SIAE: variants seen among roughly 807,000 people sequenced by gnomAD.
SIAE encodes sialic acid acetylesterase.
Under a neutral mutation model 52.6 loss-of-function variants are expected in SIAE, and 39 were observed. The observed-to-expected ratio is 0.74, with a 90% CI of 0.57 to 0.97. SIAE has a LOEUF of 0.97. Among genes scored for constraint, SIAE ranks in the 50% least tolerant of loss-of-function variants. The pLI, the probability that SIAE is intolerant of heterozygous loss-of-function variation, is 0.00. For synonymous variants in SIAE, 233 were observed against 241.4 expected (o/e 0.97, Z 0.32); for missense variants, 592 against 662.1 (o/e 0.89, Z 1.16).
intron 2 of SIAE, among the ~76,000 whole-genome samples, chr11:124,662,079 G>A (rs1373626106): frequency 2.0e-5 from 3 of 152,208 alleles, no homozygotes; most frequent in Admixed American, 6.5e-5. Context: ...GTGCATGCTT[G>A]CTCCTCTTAA....
At chr11:124,642,737 A>C (rs1317261951) in intron 7 of SIAE, among the ~76,000 whole-genome samples, 1 of 152,228 alleles carries the variant, frequency 6.6e-6, no homozygotes, top group East Asian at 1.9e-4. Context: ...TATATGGCAA[A>C]AGTGAAGGGA....
chr11:124,662,140 T>C (rs1943194610), intron 2 of SIAE, among the ~76,000 whole-genome samples: 1 of 152,218 alleles, frequency 6.6e-6, no homozygotes, highest in African/African-American at 2.4e-5. Context: ...GTTAATTAAA[T>C]CTAAGACCAA....
intron 3 of SIAE, among the ~76,000 whole-genome samples, chr11:124,656,369 A>G (rs1242346367): frequency 6.6e-6 from 1 of 152,218 alleles, no homozygotes; most frequent in Non-Finnish European, 1.5e-5. Context: ...GTAAATCACC[A>G]AAGAAAAGCA....
Position 124,660,781 on chromosome 11 carries a change from C to T in SIAE, c.252G>A (p.Val84=). 1 of 1,614,166 alleles carries T rather than the reference C, an allele frequency of 6.2e-7. No homozygotes were observed. Among genetic ancestry groups the T allele is most frequent in the African/African-American group, 1.3e-5 (1 of 75,044 alleles). The part of the protein sequence containing the change: ...SVKAHSDTWM[V]VLDPMKPGGP... ...CTCCAGGCTTCATAGGATCCAGTACCACCATCCACGTATCAGAGTGAGCTG... is the reference window on the plus strand; with the variant it reads ...CTCCAGGCTTCATAGGATCCAGTACTACCATCCACGTATCAGAGTGAGCTG... The change falls in exon 3 of 10, where the codon GTG becomes GTA. Residue 84 remains valine, a synonymous_variant. Transcript: ENST00000263593.
chr11:124,649,419 CT>C (rs993234644), intron 5 of SIAE, among the ~76,000 whole-genome samples, 199 bp downstream of exon 5: 5 of 151,140 alleles, frequency 3.3e-5, no homozygotes, highest in Admixed American at 6.6e-5. Context: ...GGAAAAGATA[CT>C]TTTTTTTTAC....
intron 7 of SIAE, among the ~76,000 whole-genome samples, chr11:124,642,780 A>G (rs1181866028): frequency 3.3e-5 from 5 of 152,234 alleles, no homozygotes; most frequent in African/African-American, 1.2e-4. Flanking sequence ...GTCCCCAGTC[A>G]GCTGACTTCA....
chr11:124,641,913 T>C lies in SIAE; in HGVS notation c.967-2046A>G, dbSNP rs13328883. 6.2e-3 allele frequency among the ~76,000 whole-genome samples: 925 copies of C among 148,918 alleles called. 10 individuals are homozygous for C. Among genetic ancestry groups the C allele is most frequent in the African/African-American group, 0.022 (873 of 40,320 alleles). On this transcript the variant is annotated intron_variant, in intron 7 of 9. Transcript: ENST00000263593. ...AGGCGGAGGTTGCAGTGAGCCAAGA[T>C]TGTGCCACTGCACTCCAGCCTGGGC...
At chr11:124,640,001 C>T in intron 7 of SIAE, 134 bp from the exon 8 acceptor site, 1 of 1,084,884 alleles carries the variant, frequency 9.2e-7, no homozygotes, top group Non-Finnish European at 1.4e-6. Context: ...GAGCTTCTTA[C>T]TGTTGTGGCA....
rs1361796943 is a variant in SIAE, at chr11:124,639,989, C to G, written c.967-122G>C. The G allele has an allele frequency of 2.6e-6, 3 of 1,156,374 alleles. No homozygotes were observed. The African/African-American group carries it at 4.6e-5, about 18-fold the overall frequency. The allele number at this position is 1,156,374 out of a possible 1,614,324, so 71.6% of individuals were successfully genotyped here. A position where few individuals can be genotyped will look rare whatever the true frequency, so the allele number is the denominator to read the frequency against. ...TAAATGCTCATTCAACACGTATTTA[C>G]TGAGCTTCTTACTGTTGTGGCAGTG... On this transcript the variant is annotated intron_variant, in intron 7 of 9. Transcript: ENST00000263593.
chr11:124,652,086 T>C (rs1943025726), intron 4 of SIAE, among the ~76,000 whole-genome samples: 1 of 151,806 alleles, frequency 6.6e-6, no homozygotes, highest in Non-Finnish European at 1.5e-5. Context: ...AAGAGAACAG[T>C]GGAAGATAAG....
intron 5 of SIAE, among the ~76,000 whole-genome samples, chr11:124,648,545 T>C (rs1346965967): frequency 1.3e-5 from 2 of 152,196 alleles, no homozygotes; most frequent in Non-Finnish European, 2.9e-5. Context: ...TAGGTTGTTT[T>C]AAACTTTTTG....
chr11:124,637,966 A>G (rs755804199), intron 9 of SIAE, among the ~76,000 whole-genome samples: 31 of 152,210 alleles, frequency 2.0e-4, no homozygotes, highest in Non-Finnish European at 3.5e-4. Context: ...TGTTCCATGT[A>G]GGAATGCCTC....
At chr11:124,667,534 G>A (rs1330091671) in intron 2 of SIAE, among the ~76,000 whole-genome samples, 1 of 152,200 alleles carries the variant, frequency 6.6e-6, no homozygotes, top group Non-Finnish European at 1.5e-5. Context: ...TGGATCATCA[G>A]TTTTGTATAC....
In SIAE at chr11:124,635,791, C is replaced by T. The variant is rs769681186; in HGVS notation, c.*1160G>A. 4.6e-5 allele frequency: 7 copies of T among 152,206 alleles called. No homozygotes were observed. Among genetic ancestry groups the T allele is most frequent in the Non-Finnish European group, 1.0e-4 (7 of 68,036 alleles). 9.4% of individuals were successfully genotyped at this position (152,206 alleles called of 1,614,324 possible). On this transcript the variant is annotated 3_prime_UTR_variant, in exon 10 of 10. Coordinates refer to ENST00000263593, the MANE Select transcript of SIAE (RefSeq NM_170601.5). ...TTGCAAGTGGATATAAATACATACA[C>T]ATCACTAGTGATTATGCTTTTATTT...
Position 124,670,768 on chromosome 11 carries a change from T to C in SIAE, c.68-1247A>G, listed in dbSNP as rs1943340788. Among the ~76,000 whole-genome samples the C allele has an allele frequency of 6.6e-6, 1 of 152,224 alleles. No individual in the cohort carries two copies. Among genetic ancestry groups the C allele is most frequent in the Admixed American group, 6.5e-5 (1 of 15,284 alleles). On this transcript the variant is annotated intron_variant, in intron 1 of 9. Coordinates refer to ENST00000263593, the MANE Select transcript of SIAE (RefSeq NM_170601.5). The surrounding 1 kb of genome is among the most constrained non-coding windows in gnomAD (Gnocchi z 4.5). ...TCCTCAGCGCTCTCTTATGAGCTAG[T>C]GTGATCAAGAAACCTACATGACAAT...
At chr11:124,654,513 G>A in intron 4 of SIAE, 142 bp downstream of exon 4, 2 of 1,579,066 alleles carry the variant, frequency 1.3e-6, no homozygotes, top group Admixed American at 3.4e-5. Context: ...TCACCATCAG[G>A]AAGGATGAAG....
intron 7 of SIAE, among the ~76,000 whole-genome samples, chr11:124,641,817 G>T (rs12279269): frequency 0.024 from 3,636 of 151,956 alleles, 131 homozygotes; most frequent in African/African-American, 0.078. Context: ...AAAATTAGCC[G>T]GGAGTGGTTG....
At chr11:124,648,338 T>C (rs754668283) in intron 5 of SIAE, among the ~76,000 whole-genome samples, 163 bp from the exon 6 acceptor site, 5 of 152,202 alleles carry the variant, frequency 3.3e-5, no homozygotes, top group Non-Finnish European at 7.3e-5. Context: ...CATATGAATA[T>C]TCTCTGAATT....
rs189884874 is a variant in SIAE at position 124,634,227 on chromosome 11, G to A, written c.*2724C>T. The A allele has an allele frequency of 1.3e-5, 2 of 152,228 alleles. No homozygotes were observed. The highest frequency in any genetic ancestry group is 1.5e-5 in the Non-Finnish European group (1 of 68,124). 9.4% of individuals were successfully genotyped at this position (152,228 alleles called of 1,614,324 possible). Reference sequence around the variant, plus strand: ...CACGCGCCTGTAGTCCCAGCTACTCGGGAGGCTGAGGCAGGAAGAATCGCT... The same window carrying A: ...CACGCGCCTGTAGTCCCAGCTACTCAGGAGGCTGAGGCAGGAAGAATCGCT... On this transcript the variant is annotated 3_prime_UTR_variant, in exon 10 of 10. Coordinates refer to ENST00000263593, the MANE Select transcript of SIAE (RefSeq NM_170601.5).
Sources: allele counts gnomAD v4.1 joint callset (sites outside exome capture counted in the v4.1 genomes callset), GRCh38; gene constraint gnomAD v4.1.1; non-coding constraint Gnocchi (gnomAD v3.1); transcripts MANE v1.5; gene names NCBI Gene and HGNC (gene_info 2026-07-23, HGNC 2026-07-21).